The following RGS7 variants were observed in gnomAD, a reference collection of about 807,000 sequenced individuals.
RGS7 encodes regulator of G-protein signaling 7.
A neutral mutation model predicts 81.1 loss-of-function variants in RGS7; 27 were observed. The observed-to-expected ratio is 0.33, with a 90% confidence interval of 0.25 to 0.46. The LOEUF is 0.46. Ranked by LOEUF, RGS7 falls within the 20% of genes least tolerant of loss-of-function variation. The probability of loss-of-function intolerance (pLI) is 1.00; values close to 1 mark genes in which losing one functional copy is unlikely to be tolerated. For missense variants in RGS7, 396 were observed against 607.4 expected (o/e 0.65, Z 3.66); for synonymous variants, 208 against 207.7 (o/e 1.00, Z -0.01).
intron 2 of RGS7, among the ~76,000 whole-genome samples, chr1:241,330,260 A>T (rs1157251791): frequency 1.3e-5 from 2 of 152,164 alleles, no homozygotes; most frequent in Non-Finnish European, 2.9e-5. Flanking sequence ...TTGCTAACTC[A>T]AGTGAGGGCC....
rs934031530 is a variant in RGS7 at position 241,171,272 on chromosome 1, TA to T, written c.79-72511del. Among the ~76,000 whole-genome samples, 15 of 151,896 alleles carry T rather than the reference TA, an allele frequency of 9.9e-5. 1 individual carries two copies. Among genetic ancestry groups the T allele is most frequent in the South Asian group, 2.1e-4 (1 of 4,800 alleles). On this transcript the variant is annotated intron_variant, in intron 2 of 18. Coordinates refer to ENST00000440928, the MANE Select transcript of RGS7 (RefSeq NM_001364886.1). The stretch of plus-strand genomic sequence containing the variant: ...TTGGAAAAATAAAATGCCAACATAC[TA>T]AAAAAAAATCACATTACATTTAAAT...
At chr1:241,029,042 A>G (rs1421109925) in intron 3 of RGS7, among the ~76,000 whole-genome samples, 2 of 152,202 alleles carry the variant, frequency 1.3e-5, no homozygotes, top group Non-Finnish European at 2.9e-5. Flanking sequence ...AGAAATCAAT[A>G]CGATTGAAGA....
intron 2 of RGS7, among the ~76,000 whole-genome samples, chr1:241,194,379 G>A (rs1047440064): frequency 2.0e-5 from 3 of 152,062 alleles, no homozygotes; most frequent in Non-Finnish European, 4.4e-5. Context: ...TAGACTCTTG[G>A]ACTTGAATTA....
intron 2 of RGS7, among the ~76,000 whole-genome samples, chr1:241,201,633 A>G (rs2073506746): frequency 6.6e-6 from 1 of 152,200 alleles, no homozygotes; most frequent in Non-Finnish European, 1.5e-5. Flanking sequence ...TTTAATACAT[A>G]TATAAGAACT....
intron 2 of RGS7, among the ~76,000 whole-genome samples, chr1:241,244,045 T>C (rs1345909078): frequency 2.0e-5 from 3 of 152,174 alleles, no homozygotes; most frequent in African/African-American, 4.8e-5. Context: ...TTATTTTCTT[T>C]AGAGCAAGAT....
intron 2 of RGS7, among the ~76,000 whole-genome samples, chr1:241,234,785 G>A (rs1205736745): frequency 2.6e-5 from 4 of 151,856 alleles, no homozygotes; most frequent in Admixed American, 6.6e-5. Context: ...TCAGTACCTG[G>A]TGCTGTGCCA....
chr1:241,145,153 A>G (rs1375749679), intron 2 of RGS7, among the ~76,000 whole-genome samples: 1 of 151,588 alleles, frequency 6.6e-6, no homozygotes, highest in African/African-American at 2.4e-5. Flanking sequence ...AGTGGCTGGG[A>G]TTACAGGTGC....
chr1:241,220,950 CAAGGAAGGAAGGAAGGAAGG>C (rs751386119), intron 2 of RGS7, among the ~76,000 whole-genome samples: 4 of 54,292 alleles, frequency 7.4e-5, no homozygotes, highest in Non-Finnish European at 1.1e-4. Flanking sequence ...AAGGAAGAAG[CAAGGAAGGAAGGAAGGAAGG>C]AAGGAAGGAA....
chr1:240,969,396 T>C (rs1682850167), intron 4 of RGS7, among the ~76,000 whole-genome samples: 1 of 152,188 alleles, frequency 6.6e-6, no homozygotes, highest in African/African-American at 2.4e-5. Context: ...TGTGTAGCCA[T>C]GTTCATTTTT....
chr1:240,989,884 C>T (rs12402473), intron 3 of RGS7, among the ~76,000 whole-genome samples: 58,796 of 151,904 alleles, frequency 0.39, 13,209 homozygotes, highest in East Asian at 0.6. Context: ...TGTATTTAGG[C>T]CTCAAGGACT....
At chr1:240,848,813 G>T (rs542484140) in intron 9 of RGS7, among the ~76,000 whole-genome samples, 2 of 152,022 alleles carry the variant, frequency 1.3e-5, no homozygotes, top group South Asian at 2.1e-4. Flanking sequence ...ATGCCAAAAA[G>T]GGTTCTTTTC....
At chr1:240,945,860 T>C (rs1678515363) in intron 4 of RGS7, among the ~76,000 whole-genome samples, 1 of 152,192 alleles carries the variant, frequency 6.6e-6, no homozygotes, top group African/African-American at 2.4e-5. Flanking sequence ...AAAATCTCTG[T>C]GTGTATATGT....
intron 2 of RGS7, among the ~76,000 whole-genome samples, chr1:241,122,103 A>G (rs1281253105): frequency 6.6e-6 from 1 of 152,228 alleles, no homozygotes; most frequent in Non-Finnish European, 1.5e-5. Context: ...ATGCAAATGC[A>G]GCTGCTATCT....
At chr1:240,998,314 T>C (rs2148617893) in intron 3 of RGS7, 1 of 422,334 alleles carries the variant, frequency 2.4e-6, no homozygotes, top group East Asian at 4.5e-5. Context: ...TTTATCCTAT[T>C]TGGGCTTCTC....
chr1:241,264,437 C>G (rs1259871091), intron 2 of RGS7, among the ~76,000 whole-genome samples: 1 of 152,068 alleles, frequency 6.6e-6, no homozygotes, highest in Non-Finnish European at 1.5e-5. Context: ...GCGGAGGTTG[C>G]AGTGAGCTGA....
At chr1:240,977,091 TACACACACACACACAC>T (rs60732630) in intron 4 of RGS7, among the ~76,000 whole-genome samples, 79 of 133,814 alleles carry the variant, frequency 5.9e-4, no homozygotes, top group African/African-American at 1.7e-3. Context: ...TATCCATCTG[TACACACACACACACAC>T]ACACACACAC....
chr1:241,337,350 ATG>A (rs1351510540), intron 2 of RGS7, among the ~76,000 whole-genome samples: 1 of 152,164 alleles, frequency 6.6e-6, no homozygotes, highest in African/African-American at 2.4e-5. Context: ...CAATCATTTA[ATG>A]GACAGTGTGT....
intron 2 of RGS7, among the ~76,000 whole-genome samples, chr1:241,129,118 T>C (rs1342891254): frequency 6.6e-6 from 1 of 152,114 alleles, no homozygotes; most frequent in Non-Finnish European, 1.5e-5. Context: ...AGAAGTGATA[T>C]AAAAACAGGT....
intron 3 of RGS7, among the ~76,000 whole-genome samples, chr1:241,054,706 G>A (rs2061400943): frequency 6.6e-6 from 1 of 152,150 alleles, no homozygotes. Context: ...CAGGTGCTTG[G>A]ACCAAATCCC....
Sources: allele counts gnomAD v4.1 joint callset (sites outside exome capture counted in the v4.1 genomes callset), GRCh38; gene constraint gnomAD v4.1.1; transcripts MANE v1.5; gene names NCBI Gene and HGNC (gene_info 2026-07-23, HGNC 2026-07-21).